The following SLC36A1 variants were observed in gnomAD, a reference collection of about 807,000 sequenced individuals.
SLC36A1 encodes solute carrier family 36 member 1.
Under a neutral mutation model 47.5 loss-of-function variants are expected in SLC36A1, and 30 were observed. The observed-to-expected ratio is 0.63, with a 90% CI of 0.47 to 0.86. SLC36A1 has a LOEUF of 0.86. Ranked by LOEUF, SLC36A1 falls within the 40% of genes least tolerant of loss-of-function variation. The pLI, the probability that SLC36A1 is intolerant of heterozygous loss-of-function variation, is 0.00. For missense variants in SLC36A1, 517 were observed against 606.0 expected (o/e 0.85, Z 1.54); for synonymous variants, 255 against 249.7 (o/e 1.02, Z -0.20).
chr5:151,443,810 TA>T (rs1018055284), upstream of SLC36A1, among the ~76,000 whole-genome samples: 5 of 152,254 alleles, frequency 3.3e-5, no homozygotes, highest in African/African-American at 1.2e-4. Flanking sequence ...ATCTTACATT[TA>T]GGCCTTTTAT....
upstream of SLC36A1, among the ~76,000 whole-genome samples, chr5:151,447,308 C>G (rs1295663195): frequency 4.6e-5 from 7 of 152,154 alleles, no homozygotes; most frequent in Non-Finnish European, 8.8e-5. Context: ...ACAAACTCAT[C>G]GAGATGTGTA....
chr5:151,515,018 A>G, the SLC36A1 span, among the ~76,000 whole-genome samples: 1 of 152,128 alleles, frequency 6.6e-6, no homozygotes, highest in Admixed American at 6.5e-5. Flanking sequence ...TCAGTTTTCC[A>G]GCCAGATATT....
intron 10 of SLC36A1, among the ~76,000 whole-genome samples, chr5:151,482,770 C>T (rs987304865): frequency 6.6e-6 from 1 of 152,102 alleles, no homozygotes; most frequent in African/African-American, 2.4e-5. Context: ...AATTTATACC[C>T]CCACTAAGTC....
the SLC36A1 span, chr5:151,380,399 G>C: frequency 1.5e-5 from 6 of 388,908 alleles, no homozygotes; most frequent in South Asian, 1.3e-4. Context: ...AAAAACAAGA[G>C]CGTGTGGAAA....
At chr5:151,523,499 CCTAT>C in the SLC36A1 span, among the ~76,000 whole-genome samples, 1 of 152,164 alleles carries the variant, frequency 6.6e-6, no homozygotes, top group African/African-American at 2.4e-5. Flanking sequence ...AATCTGAATA[CCTAT>C]CTGTGTCTAT....
rs188691131 is a variant in SLC36A1 at position 151,453,718 on chromosome 5, A to G, written c.-5-5070A>G. On this transcript the variant is annotated intron_variant, in intron 1 of 10. Coordinates refer to ENST00000243389, the MANE Select transcript of SLC36A1 (RefSeq NM_078483.4). The stretch of plus-strand genomic sequence containing the variant: ...TATGTTCTCCTGAGTCCTGAATCCC[A>G]TGCTGTTAAAATGGGAACATTAGCA... Among the ~76,000 whole-genome samples, 387 of 152,244 alleles carry G rather than the reference A, an allele frequency of 2.5e-3. 3 individuals carry two copies. The highest frequency in any genetic ancestry group is 8.4e-3 in the African/African-American group (351 of 41,548).
chr5:151,553,371 C>CT, the SLC36A1 span: 1 of 1,614,206 alleles, frequency 6.2e-7, no homozygotes, highest in Non-Finnish European at 8.5e-7. Context: ...TGGCTGCCCA[C>CT]TGTCTGTTGC....
the SLC36A1 span, among the ~76,000 whole-genome samples, chr5:151,410,573 G>A: frequency 2.8e-5 from 4 of 144,092 alleles, no homozygotes; most frequent in Non-Finnish European, 6.1e-5. Flanking sequence ...AAAGCAAATA[G>A]CATATCAATA....
At chr5:151,401,170 T>A in the SLC36A1 span, among the ~76,000 whole-genome samples, 4,812 of 152,298 alleles carry the variant, frequency 0.032, 226 homozygotes, top group African/African-American at 0.11. Flanking sequence ...TTTAAAGCTT[T>A]AATCCATCTG....
At chr5:151,533,574 T>C in the SLC36A1 span, among the ~76,000 whole-genome samples, 2 of 152,322 alleles carry the variant, frequency 1.3e-5, no homozygotes, top group South Asian at 4.1e-4. Context: ...TTTACCCTGC[T>C]GGTGTCAAAC....
chr5:151,361,237 G>T, the SLC36A1 span, among the ~76,000 whole-genome samples: 3 of 152,220 alleles, frequency 2.0e-5, no homozygotes, highest in South Asian at 6.2e-4. Context: ...CTTAAAGTTC[G>T]TTGAGACCCC....
chr5:151,465,205 C>G (rs1756166476), intron 5 of SLC36A1, 36 bp downstream of exon 5: 1 of 1,549,388 alleles, frequency 6.5e-7, no homozygotes, highest in East Asian at 2.2e-5. Context: ...ACTGTGGCCT[C>G]CCAGTGTGAG....
the SLC36A1 span, among the ~76,000 whole-genome samples, chr5:151,354,755 A>G: frequency 6.6e-6 from 1 of 152,276 alleles, no homozygotes; most frequent in Non-Finnish European, 1.5e-5. Flanking sequence ...CCTGTTGTCT[A>G]GATTGGAACC....
chr5:151,352,149 C>T, the SLC36A1 span, among the ~76,000 whole-genome samples: 1 of 152,182 alleles, frequency 6.6e-6, no homozygotes, highest in Non-Finnish European at 1.5e-5. Context: ...GATTTTTCTG[C>T]TCCAACAACC....
At chr5:151,377,593 C>T in the SLC36A1 span, among the ~76,000 whole-genome samples, 23 of 151,496 alleles carry the variant, frequency 1.5e-4, no homozygotes, top group Non-Finnish European at 2.8e-4. Flanking sequence ...GTGATCCGCC[C>T]GTCTCGGCCT....
At chr5:151,470,191 A>G (rs980953353) in intron 7 of SLC36A1, among the ~76,000 whole-genome samples, 4 of 152,174 alleles carry the variant, frequency 2.6e-5, no homozygotes, top group Non-Finnish European at 4.4e-5. Context: ...CCATGATTTC[A>G]TGTTGTAATT....
chr5:151,373,569 T>A, the SLC36A1 span, among the ~76,000 whole-genome samples: 37 of 152,250 alleles, frequency 2.4e-4, 1 homozygote, highest in South Asian at 1.9e-3. Context: ...AGCCTTTTTT[T>A]AAAAAAACAA....
the SLC36A1 span, among the ~76,000 whole-genome samples, chr5:151,394,443 C>T: frequency 7.9e-5 from 12 of 152,346 alleles, 1 homozygote; most frequent in African/African-American, 2.2e-4. Flanking sequence ...CCATTGCTGG[C>T]GAGGAGCTGC....
the SLC36A1 span, among the ~76,000 whole-genome samples, chr5:151,353,602 T>G: frequency 6.6e-6 from 1 of 152,124 alleles, no homozygotes; most frequent in East Asian, 1.9e-4. Flanking sequence ...TGGGGTTCAT[T>G]CTTGGTGGGG....
Sources: allele counts gnomAD v4.1 joint callset (sites outside exome capture counted in the v4.1 genomes callset), GRCh38; gene constraint gnomAD v4.1.1; transcripts MANE v1.5; gene names NCBI Gene and HGNC (gene_info 2026-07-23, HGNC 2026-07-21).